Variants in KLHL3 observed in about 807,000 individuals in gnomAD.
KLHL3 encodes the protein kelch like family member 3.
In KLHL3, 19 loss-of-function variants were observed where a neutral mutation model predicts 70.5. The ratio of observed to expected loss-of-function variants is 0.27; its 90% confidence interval spans 0.19 to 0.40. The LOEUF is 0.40. KLHL3 is among the 10% of genes least tolerant of loss of function. KLHL3 has a pLI of 1.00. For missense variants in KLHL3, 512 were observed against 771.1 expected (o/e 0.66, Z 3.98); for synonymous variants, 258 against 290.3 (o/e 0.89, Z 1.13).
rs1750853372 is a variant in KLHL3, at chr5:137,639,398, A to G, written c.1022-248T>C. Among the ~76,000 whole-genome samples the G allele has an allele frequency of 6.6e-6, 1 of 152,212 alleles. No individual in the cohort carries two copies. The highest frequency in any genetic ancestry group is 6.5e-5 in the Admixed American group (1 of 15,288). On this transcript the variant is annotated intron_variant, in intron 9 of 14. Coordinates refer to ENST00000309755, the MANE Select transcript of KLHL3 (RefSeq NM_017415.3). This position sits in a 1 kb window ranked among gnomAD's most constrained non-coding sequence, Gnocchi z 5.0. Reference sequence around the variant, plus strand: ...CATAAGAACTGACCCCAAAAGAGCCAAAAACTGTGCAAGTGGCCGGGCATG... The same window carrying G: ...CATAAGAACTGACCCCAAAAGAGCCGAAAACTGTGCAAGTGGCCGGGCATG...
chr5:137,681,170 T>C (rs1284387298), intron 5 of KLHL3, among the ~76,000 whole-genome samples: 4 of 152,142 alleles, frequency 2.6e-5, no homozygotes, highest in Non-Finnish European at 5.9e-5. Context: ...TTCCCATATA[T>C]TAAATGGAAA....
Position 137,721,535 on chromosome 5 carries a change from C to A in KLHL3, c.15-951G>T, listed in dbSNP as rs138278364. Among the ~76,000 whole-genome samples, 1,260 of 152,192 alleles carry A rather than the reference C, an allele frequency of 8.3e-3. 21 individuals are homozygous for A. The highest frequency in any genetic ancestry group is 0.029 in the African/African-American group (1,189 of 41,530). ...CGAAAGCTTTTGGGAAACTGTAATC[C>A]CATAGAAAGACAAAGGATTATAAGT... On this transcript the variant is annotated intron_variant, in intron 1 of 14. Coordinates refer to ENST00000309755, the MANE Select transcript of KLHL3 (RefSeq NM_017415.3).
chr5:137,735,195 C>T (rs1278976124), intron 1 of KLHL3, among the ~76,000 whole-genome samples: 1 of 152,134 alleles, frequency 6.6e-6, no homozygotes, highest in South Asian at 2.1e-4. Context: ...AGCACTCCTG[C>T]GTGAAAATGC....
chr5:137,665,242 C>T (rs536112254), intron 6 of KLHL3, among the ~76,000 whole-genome samples: 9 of 152,240 alleles, frequency 5.9e-5, no homozygotes, highest in African/African-American at 1.7e-4. Context: ...CGTGCATAAA[C>T]CATAATTAGA....
intron 12 of KLHL3, 136 bp from the exon 13 acceptor site, chr5:137,628,573 G>A (rs1750543862): frequency 3.6e-6 from 3 of 836,732 alleles, no homozygotes; most frequent in Non-Finnish European, 5.6e-6. Context: ...CTGGACCTCA[G>A]TGTCCTCATC....
intron 4 of KLHL3, among the ~76,000 whole-genome samples, chr5:137,693,252 T>G (rs1472529932): frequency 1.3e-5 from 2 of 152,132 alleles, no homozygotes; most frequent in African/African-American, 4.8e-5. Context: ...ATCAAACAGA[T>G]ACAAAGCAAA....
chr5:137,652,117 A>G (rs779027479), intron 8 of KLHL3, among the ~76,000 whole-genome samples: 1 of 152,210 alleles, frequency 6.6e-6, no homozygotes, highest in Non-Finnish European at 1.5e-5. Flanking sequence ...AGAAGAAAGT[A>G]TAGGAGAAAA....
intron 1 of KLHL3, among the ~76,000 whole-genome samples, chr5:137,730,981 A>G (rs953784978): frequency 6.6e-5 from 10 of 152,204 alleles, no homozygotes; most frequent in African/African-American, 2.4e-4. Flanking sequence ...ATGGTTTATT[A>G]GTGCTCTATT....
intron 1 of KLHL3, among the ~76,000 whole-genome samples, chr5:137,722,313 TC>T (rs1282128262): frequency 6.6e-6 from 1 of 152,192 alleles, no homozygotes; most frequent in Non-Finnish European, 1.5e-5. Context: ...TTGGCTCCCT[TC>T]CCCACCATCA....
In KLHL3 at chr5:137,683,780, TCTCTCACACACACACATGCACGCGCACA is replaced by T. The variant is rs886277169; in HGVS notation, c.527-6154_527-6127del. On this transcript the variant is annotated intron_variant, in intron 5 of 14. Transcript: ENST00000309755. ...CTAGCTCTCTTTCTCTCTCTCTCTC[TCTCTCACACACACACATGCACGCGCACA>T]CACACACACACACATACACACAGCC... Among the ~76,000 whole-genome samples, 16 of 135,992 alleles carry T rather than the reference TCTCTCACACACACACATGCACGCGCACA, an allele frequency of 1.2e-4. No individual in the cohort carries two copies. In the South Asian group the frequency reaches 1.3e-3, roughly 11 times the overall value. The allele number at this position is 135,992 out of a possible 152,430, so 89.2% of individuals were successfully genotyped here.
chr5:137,636,655 GGCCT>G (rs1016645389), intron 11 of KLHL3, among the ~76,000 whole-genome samples: 59 of 152,160 alleles, frequency 3.9e-4, no homozygotes, highest in African/African-American at 1.4e-3. Context: ...GAGAATCTGA[GGCCT>G]GCCTATCTCC....
rs137948306 is a variant in KLHL3, at chr5:137,646,489, A to T, written c.904-6512T>A. ...AATTTCCTATCATGAGTGCTAATGG[A>T]TAGTTGTTTCCATGGATACCTGATG... On this transcript the variant is annotated intron_variant, in intron 8 of 14. Coordinates refer to ENST00000309755, the MANE Select transcript of KLHL3 (RefSeq NM_017415.3). 4.7e-3 allele frequency among the ~76,000 whole-genome samples: 718 copies of T among 152,334 alleles called. 5 individuals carry two copies. The highest frequency in any genetic ancestry group is 0.016 in the African/African-American group (682 of 41,576).
chr5:137,718,907 T>A (rs2149934329), intron 2 of KLHL3, among the ~76,000 whole-genome samples: 1 of 152,384 alleles, frequency 6.6e-6, no homozygotes, highest in South Asian at 2.1e-4. Context: ...GACTAGGCCC[T>A]GTAGAAAGGA....
chr5:137,655,237 CA>C (rs1751307757), intron 8 of KLHL3, among the ~76,000 whole-genome samples: 1 of 152,172 alleles, frequency 6.6e-6, no homozygotes, highest in Non-Finnish European at 1.5e-5. Context: ...TCAACATTCT[CA>C]AGACATGCAG....
chr5:137,705,321 AG>A (rs1752664029), intron 3 of KLHL3, among the ~76,000 whole-genome samples: 1 of 152,214 alleles, frequency 6.6e-6, no homozygotes, highest in African/African-American at 2.4e-5. Flanking sequence ...GTTCTGTGGA[AG>A]GAACTTCATG....
Position 137,639,925 on chromosome 5 carries a change from C to A in KLHL3, c.956G>T (p.Cys319Phe). Residue 319 changes from cysteine (C) to phenylalanine (F), a missense_variant, in exon 9 of 15, where the codon TGC (cysteine) becomes TTC (phenylalanine). By Grantham distance (205) the Cys-to-Phe change is radical (BLOSUM62 -2). Transcript: ENST00000309755. This position sits in a 1 kb window ranked among gnomAD's most constrained non-coding sequence, Gnocchi z 5.0. ...QAPKAIRSVE[C>F]YDFEEDRWDQ... ...CCACCGGTCCTCCTCGAAATCATAGCACTCCACACTGCGGATTGCCTTGGG... is the reference window on the plus strand; with the variant it reads ...CCACCGGTCCTCCTCGAAATCATAGAACTCCACACTGCGGATTGCCTTGGG... 1 of 1,614,200 alleles carries A rather than the reference C, an allele frequency of 6.2e-7. No homozygotes were observed. Among genetic ancestry groups the A allele is most frequent in the South Asian group, 1.1e-5 (1 of 91,086 alleles).
chr5:137,684,990 A>C (rs1473433205), intron 5 of KLHL3, among the ~76,000 whole-genome samples: 1 of 152,226 alleles, frequency 6.6e-6, no homozygotes, highest in Non-Finnish European at 1.5e-5. Context: ...GGGCCCTTCC[A>C]AACAGGAAAC....
intron 1 of KLHL3, among the ~76,000 whole-genome samples, chr5:137,721,782 C>A (rs1204798594): frequency 6.6e-6 from 1 of 152,176 alleles, no homozygotes; most frequent in Non-Finnish European, 1.5e-5. Flanking sequence ...AAAACTCTGT[C>A]TCTTGAAAAA....
At chr5:137,734,586 T>C (rs1272596339) in intron 1 of KLHL3, among the ~76,000 whole-genome samples, 1 of 152,196 alleles carries the variant, frequency 6.6e-6, no homozygotes, top group Non-Finnish European at 1.5e-5. Flanking sequence ...ATTGAGATAC[T>C]CTCTAGTGTT....
Sources: allele counts gnomAD v4.1 joint callset (sites outside exome capture counted in the v4.1 genomes callset), GRCh38; gene constraint gnomAD v4.1.1; non-coding constraint Gnocchi (gnomAD v3.1); transcripts MANE v1.5; gene names NCBI Gene and HGNC (gene_info 2026-07-23, HGNC 2026-07-21).